Variants in APAF1 observed in about 807,000 individuals in gnomAD.
APAF1 encodes apoptotic protease-activating factor 1.
In APAF1, 91 loss-of-function variants were observed where a neutral mutation model predicts 152.4. That is an observed-to-expected ratio of 0.60 (90% CI 0.50 to 0.71). APAF1 has a LOEUF of 0.71. Among genes scored for constraint, APAF1 ranks in the 30% least tolerant of loss-of-function variants. The pLI is 0.00. For synonymous variants in APAF1, 484 were observed against 494.1 expected, an observed-to-expected ratio of 0.98 and a Z score of 0.27; for missense variants, 1,283 against 1,472.0, an observed-to-expected ratio of 0.87 and a Z score of 2.10.
intron 4 of APAF1, among the ~76,000 whole-genome samples, chr12:98,651,879 A>G (rs1023388857): frequency 6.6e-6 from 1 of 152,140 alleles, no homozygotes; most frequent in African/African-American, 2.4e-5. Context: ...CAGTGGCACA[A>G]TCTTGGCTCC....
chr12:98,712,579 C>A (rs939310377), intron 21 of APAF1, 144 bp downstream of exon 21: 2 of 643,122 alleles, frequency 3.1e-6, no homozygotes, highest in Non-Finnish European at 5.5e-6. Context: ...TACAGTGACA[C>A]GATCACAGCC....
At chr12:98,723,900 C>T in intron 24 of APAF1, 136 bp downstream of exon 24, 3 of 922,924 alleles carry the variant, frequency 3.3e-6, no homozygotes, top group Admixed American at 1.9e-5. Context: ...TTGGAGGATG[C>T]CCATTGGCAT....
chr12:98,664,060 C>T (rs955253827), intron 7 of APAF1, among the ~76,000 whole-genome samples: 3 of 146,766 alleles, frequency 2.0e-5, no homozygotes, highest in Admixed American at 6.8e-5. Context: ...CACTCTGTCG[C>T]CCAGGCTGGA....
chr12:98,688,704 C>A (rs1470450395), intron 16 of APAF1, among the ~76,000 whole-genome samples: 1 of 150,084 alleles, frequency 6.7e-6, no homozygotes, highest in Admixed American at 6.7e-5. Flanking sequence ...TCTCCAGCTC[C>A]TGGGCTCAAG....
chr12:98,663,226 G>T (rs1237888975), intron 7 of APAF1, among the ~76,000 whole-genome samples: 3 of 151,902 alleles, frequency 2.0e-5, no homozygotes, highest in African/African-American at 7.3e-5. Flanking sequence ...TATTGAATAC[G>T]TTTTAAGAAG....
rs1491316422 is a variant in APAF1 at position 98,665,278 on chromosome 12, A to ATATATATATATATATATATAT, written c.956-274_956-273insATATATATATATATATATATT. Among the ~76,000 whole-genome samples, 399 of 65,904 alleles carry ATATATATATATATATATATAT rather than the reference A, an allele frequency of 6.1e-3. 2 individuals are homozygous for ATATATATATATATATATATAT. Among genetic ancestry groups the ATATATATATATATATATATAT allele is most frequent in the Non-Finnish European group, 9.7e-3 (330 of 34,032 alleles). 43.2% of individuals were successfully genotyped at this position (65,904 alleles called of 152,430 possible). A position where few individuals can be genotyped will look rare whatever the true frequency, so the allele number is the denominator to read the frequency against. On this transcript the variant is annotated intron_variant, in intron 7 of 26. Transcript: ENST00000551964. The stretch of plus-strand genomic sequence containing the variant: ...CGCATATATATATATATATATATAT[A>ATATATATATATATATATATAT]TTTTTTTTTTTTTTTGTAATGACAT...
At chr12:98,718,074 GATCC>G (rs1393437304) in intron 22 of APAF1, among the ~76,000 whole-genome samples, 1 of 152,078 alleles carries the variant, frequency 6.6e-6, no homozygotes, top group African/African-American at 2.4e-5. Context: ...ACCTTCCCTT[GATCC>G]CTCATTCTCA....
rs112236198 is a variant in APAF1 at position 98,667,822 on chromosome 12, A to T, written c.1494+178A>T. ...GGTCTCACTTTGTTTCTCAGGCTGGAGTGCAGTGGCACAATCTCAGCTCAT... is the reference window on the plus strand; with the variant it reads ...GGTCTCACTTTGTTTCTCAGGCTGGTGTGCAGTGGCACAATCTCAGCTCAT... On this transcript the variant is annotated intron_variant, in intron 10 of 26. Transcript: ENST00000551964. Among the ~76,000 whole-genome samples the T allele has an allele frequency of 0.025, 2,915 of 117,090 alleles. 109 individuals are homozygous for T. Among genetic ancestry groups the T allele is most frequent in the African/African-American group, 0.091 (2,774 of 30,468 alleles). The allele number at this position is 117,090 out of a possible 152,430, so 76.8% of individuals were successfully genotyped here.
chr12:98,692,319 G>A (rs1250883455), intron 16 of APAF1, among the ~76,000 whole-genome samples: 2 of 152,074 alleles, frequency 1.3e-5, no homozygotes, highest in East Asian at 1.9e-4. Context: ...TCCTGACCTC[G>A]TGATCCGCCT....
chr12:98,714,964 C>T (rs1352128663), intron 21 of APAF1, among the ~76,000 whole-genome samples: 1 of 150,688 alleles, frequency 6.6e-6, no homozygotes, highest in Non-Finnish European at 1.5e-5. Flanking sequence ...TTCTGATATC[C>T]TGTCTCCCTC....
intron 12 of APAF1, among the ~76,000 whole-genome samples, chr12:98,674,821 G>A (rs1364514795): frequency 6.6e-6 from 1 of 152,154 alleles, no homozygotes; most frequent in Non-Finnish European, 1.5e-5. Flanking sequence ...ACTTAGAACA[G>A]CACCCAGTTC....
At chr12:98,692,244 G>C (rs2097705056) in intron 16 of APAF1, among the ~76,000 whole-genome samples, 1 of 152,066 alleles carries the variant, frequency 6.6e-6, no homozygotes, top group East Asian at 1.9e-4. Context: ...TGCCATGCCC[G>C]GCTAATTTTT....
At chr12:98,730,521 G>T (rs2153345913) in intron 26 of APAF1, among the ~76,000 whole-genome samples, 1 of 152,306 alleles carries the variant, frequency 6.6e-6, no homozygotes, top group Middle Eastern at 3.4e-3. Context: ...AAATAAAGCA[G>T]CAGAATAGGT....
chr12:98,662,682 A>G lies in APAF1; in HGVS notation c.831A>G (p.Lys277=). Residue 277 remains lysine (K), a synonymous_variant, in exon 7 of 27, where the codon AAA becomes AAG. Transcript: ENST00000551964. ...TGTGATTTTTGTTTGCAGGTCCTAA[A>G]TATGTAGTCCCTGTGGAGAGTTCCT... ...KSVTDSVMGP[K]YVVPVESSLG... is the part of the protein sequence containing the mutation. 3 of 1,613,336 alleles carry G rather than the reference A, an allele frequency of 1.9e-6. No individual in the cohort carries two copies. The highest frequency in any genetic ancestry group is 1.7e-6 in the Non-Finnish European group (2 of 1,179,724).
intron 18 of APAF1, among the ~76,000 whole-genome samples, chr12:98,704,383 G>A (rs1374100137): frequency 6.6e-6 from 1 of 152,196 alleles, no homozygotes; most frequent in Non-Finnish European, 1.5e-5. Context: ...TGGGCCTTTT[G>A]GAAAATAGAG....
chr12:98,713,309 ACTAT>A (rs2097730212), intron 21 of APAF1, among the ~76,000 whole-genome samples: 1 of 152,200 alleles, frequency 6.6e-6, no homozygotes, highest in East Asian at 1.9e-4. Context: ...TATATCAAAT[ACTAT>A]CTATCAAGAT....
At chr12:98,648,212 GAAAA>G in intron 1 of APAF1, 103 bp from the exon 2 acceptor site, 5 of 1,158,364 alleles carry the variant, frequency 4.3e-6, no homozygotes, top group Non-Finnish European at 6.2e-6. Context: ...TTTTGCCAAG[GAAAA>G]AAAATCAGTT....
At position 98,733,942 on chromosome 12, in the gene APAF1, C is replaced by G. The variant is rs1298174071; in HGVS notation, c.*1376C>G. Reference sequence around the variant, plus strand: ...GAAACCTGATCTTTCCTAATCCTCACTTTTTTCTTTTTTAAAAAGCAGTTT... The same window carrying G: ...GAAACCTGATCTTTCCTAATCCTCAGTTTTTTCTTTTTTAAAAAGCAGTTT... On this transcript the variant is annotated 3_prime_UTR_variant, in exon 27 of 27. Transcript: ENST00000551964. 1 of 152,288 alleles carries G rather than the reference C, an allele frequency of 6.6e-6. No individual in the cohort carries two copies. Among genetic ancestry groups the G allele is most frequent in the East Asian group, 1.9e-4 (1 of 5,186 alleles). 9.4% of individuals were successfully genotyped at this position (152,288 alleles called of 1,614,324 possible). A position where few individuals can be genotyped will look rare whatever the true frequency, so the allele number is the denominator to read the frequency against.
chr12:98,665,851 A>G (rs887489944), intron 8 of APAF1, 60 bp downstream of exon 8: 2 of 1,373,692 alleles, frequency 1.5e-6, no homozygotes, highest in Non-Finnish European at 2.1e-6. Context: ...TTGATATAGT[A>G]CTGAGCATGT....
Sources: gnomAD v4.1 joint callset for allele counts (sites outside exome capture counted in the v4.1 genomes callset) on GRCh38, gnomAD v4.1.1 for gene constraint, MANE v1.5 for transcripts, NCBI Gene and HGNC (gene_info 2026-07-23, HGNC 2026-07-21) for gene names.